The following MYH7 variants were observed in gnomAD, a reference collection of about 807,000 sequenced individuals.
The protein encoded by MYH7 is myosin heavy chain 7, also known as myosin-7.
A neutral mutation model predicts 225.4 loss-of-function variants in MYH7; 129 were observed. The ratio of observed to expected loss-of-function variants is 0.57; its 90% CI spans 0.50 to 0.66. MYH7 has a LOEUF of 0.66. Ranked by LOEUF, MYH7 falls within the 30% of genes least tolerant of loss-of-function variation. The pLI is 0.00. For synonymous variants in MYH7, 971 were observed against 1,007.6 expected, an observed-to-expected ratio of 0.96 and a Z score of 0.69; for missense variants, 1,649 against 2,517.0, an observed-to-expected ratio of 0.66 and a Z score of 7.38.
At chr14:23,420,319 G>A in intron 26 of MYH7, 85 bp from the exon 27 acceptor site, 5 of 1,551,620 alleles carry the variant, frequency 3.2e-6, no homozygotes, top group Non-Finnish European at 4.3e-6. Flanking sequence ...CGGCTTCTCT[G>A]GAACAGCAAG....
Position 23,417,619 on chromosome 14 carries a change from A to T in MYH7, c.4237T>A (p.Ser1413Thr), listed in dbSNP as rs1383499462. 2 of 1,612,840 alleles carry T rather than the reference A, an allele frequency of 1.2e-6. No homozygotes were observed. The highest frequency in any genetic ancestry group is 1.7e-6 in the Non-Finnish European group (2 of 1,180,056). The change falls in exon 31 of 40, where the codon TCG becomes ACG. Residue 1413 changes from serine (S) to threonine (T), a missense_variant. By Grantham distance (58) the Ser-to-Thr change is moderately conservative. This residue lies in a region of MYH7 where 687 missense variants were observed against 913.8 expected (regional missense o/e 0.75). Coordinates refer to ENST00000355349, the MANE Select transcript of MYH7 (RefSeq NM_000257.4). ...AGCCGGTGCTTGGTCTTCTCCAGCGAGGAGCACTTGGCATTAACAGCCTCC... is the reference window on the plus strand; with the variant it reads ...AGCCGGTGCTTGGTCTTCTCCAGCGTGGAGCACTTGGCATTAACAGCCTCC... The part of the protein sequence containing the change: ...AVEAVNAKCS[S>T]LEKTKHRLQN...
chr14:23,416,639 T>C (rs1892224238), intron 33 of MYH7, among the ~76,000 whole-genome samples: 2 of 151,964 alleles, frequency 1.3e-5, no homozygotes, highest in Admixed American at 6.6e-5. Context: ...TATGTGGAAA[T>C]GGGAAGCTCA....
rs1323525268 is a variant in MYH7, at chr14:23,425,314, G to C, written c.2391C>G (p.Ala797=). 2.8e-5 allele frequency: 46 copies of C among 1,614,058 alleles called. No individual in the cohort carries two copies. The highest frequency in any genetic ancestry group is 3.6e-5 in the Non-Finnish European group (43 of 1,180,042). The change falls in exon 21 of 40, where the codon GCC becomes GCG. Residue 797 remains alanine, a synonymous_variant. Transcript: ENST00000355349. The surrounding 1 kb of genome is among the most constrained non-coding windows in gnomAD (Gnocchi z 4.6). ...CCAGCAGCTTTTTGTACTCCATTCT[G>C]GCGAGCACACCTCGGGACTGGGCCT... The part of the protein sequence containing the change: ...RIQAQSRGVL[A]RMEYKKLLER...
intron 33 of MYH7, among the ~76,000 whole-genome samples, chr14:23,416,535 G>A (rs1380383978): frequency 6.6e-6 from 1 of 152,166 alleles, no homozygotes; most frequent in Non-Finnish European, 1.5e-5. Flanking sequence ...AGACAAGGAG[G>A]AAAATGAAGA....
intron 16 of MYH7, 62 bp downstream of exon 16, chr14:23,427,523 C>T: frequency 6.3e-7 from 1 of 1,594,632 alleles, no homozygotes; most frequent in Non-Finnish European, 8.6e-7. Flanking sequence ...AGCAATTGAC[C>T]TGGCTCAGAA....
At chr14:23,413,403 C>T (rs574720157) in intron 39 of MYH7, among the ~76,000 whole-genome samples, 11 of 152,124 alleles carry the variant, frequency 7.2e-5, no homozygotes, top group Admixed American at 1.3e-4. Flanking sequence ...ATGGTGAAAC[C>T]GCATCTCTAC....
intron 4 of MYH7, 88 bp from the exon 5 acceptor site, chr14:23,432,883 A>AAGGAG: frequency 6.4e-7 from 1 of 1,570,946 alleles, no homozygotes; most frequent in East Asian, 2.3e-5. Context: ...CCAGGAGAGA[A>AAGGAG]AGAAGAGAAA....
In MYH7 at chr14:23,433,302, G is replaced by A; in HGVS notation, c.202-75C>T. On this transcript the variant is annotated intron_variant, in intron 3 of 39. Transcript: ENST00000355349. This position sits in a 1 kb window ranked among gnomAD's most constrained non-coding sequence, Gnocchi z 4.1. ...TTCCTCAAGAGGGTTAGGAGTTGGT[G>A]AGTGACAGGGCAATAGTGCTCAAGA... is the stretch of plus-strand genomic sequence containing the variant. The A allele has an allele frequency of 2.5e-6, 4 of 1,603,162 alleles. No homozygotes were observed. Among genetic ancestry groups the A allele is most frequent in the Non-Finnish European group, 3.4e-6 (4 of 1,172,322 alleles).
rs376843222 is a variant in MYH7, at chr14:23,416,270, G to C, written c.4687C>G (p.Leu1563Val). 8.7e-6 allele frequency: 14 copies of C among 1,613,230 alleles called. No individual in the cohort carries two copies. The highest frequency in any genetic ancestry group is 2.2e-5 in the East Asian group (1 of 44,836). ...HEEGKILRAQ[L>V]EFNQIKAEIE... Reference sequence around the variant, plus strand: ...TCTGCCTTGATCTGGTTGAACTCCAGCTGGGCCCGGAGGATCTTGCCCTCC... The same window carrying C: ...TCTGCCTTGATCTGGTTGAACTCCACCTGGGCCCGGAGGATCTTGCCCTCC... Residue 1563 changes from leucine to valine, a missense_variant, in exon 34 of 40, where the codon CTG becomes GTG. By Grantham distance (32) the Leu-to-Val change is conservative (BLOSUM62 1). This residue lies in a region of MYH7 where 687 missense variants were observed against 913.8 expected (regional missense o/e 0.75). Coordinates refer to ENST00000355349, the MANE Select transcript of MYH7 (RefSeq NM_000257.4).
At chr14:23,429,987 G>A in intron 11 of MYH7, 74 bp from the exon 12 acceptor site, 2 of 1,577,614 alleles carry the variant, frequency 1.3e-6, no homozygotes, top group Non-Finnish European at 1.7e-6. Context: ...TTGTAAGTTG[G>A]AGAGAAAACT....
In MYH7 at chr14:23,429,307, G is replaced by A. The variant is rs143293426; in HGVS notation, c.1179C>T (p.Ala393=). 4.2e-5 allele frequency: 67 copies of A among 1,614,196 alleles called. No homozygotes were observed. Among genetic ancestry groups the A allele is most frequent in the African/African-American group, 2.9e-4 (22 of 75,054 alleles). Residue 393 remains alanine, a synonymous_variant, in exon 13 of 40, where the codon GCC becomes GCT. Coordinates refer to ENST00000355349, the MANE Select transcript of MYH7 (RefSeq NM_000257.4). ...GGTGGCACAGCCCCTTGAGCAGGTC[G>A]GCTGAGTTCAGCCCCATGAGGTAGG... ...KSAYLMGLNS[A]DLLKGLCHPR...
Position 23,433,787 on chromosome 14 carries a change from C to A in MYH7, c.-8-47G>T. 1 of 1,586,432 alleles carries A rather than the reference C, an allele frequency of 6.3e-7. No homozygotes were observed. Among genetic ancestry groups the A allele is most frequent in the South Asian group, 1.1e-5 (1 of 90,046 alleles). ...TGCCCTCCCATCTGCCCATTCTTCC[C>A]TTCCCTCCCTGGGCTCTCCCCTTCA... On this transcript the variant is annotated intron_variant, in intron 2 of 39. Coordinates refer to ENST00000355349, the MANE Select transcript of MYH7 (RefSeq NM_000257.4). This position sits in a 1 kb window ranked among gnomAD's most constrained non-coding sequence, Gnocchi z 4.1.
rs1595078072 is a variant in MYH7, at chr14:23,419,887, C to T, written c.3684G>A (p.Leu1228=). Residue 1228 remains leucine (L), a synonymous_variant, in exon 27 of 40, where the codon CTG becomes CTA. Transcript: ENST00000355349. ...EKEKSEFKLE[L]DDVTSNMEQI... is the part of the protein sequence containing the mutation. ...GCTCCATGTTGGAGGTGACGTCATC[C>T]AGCTCCAGCTTGAACTCGCTCTTCT... 3 of 1,613,692 alleles carry T rather than the reference C, an allele frequency of 1.9e-6. No homozygotes were observed. The highest frequency in any genetic ancestry group is 1.7e-4 in the Middle Eastern group (1 of 6,054).
At position 23,425,032 on chromosome 14, in the gene MYH7, G is replaced by A. The variant is rs767171610; in HGVS notation, c.2424-8C>T. 1 of 1,614,148 alleles carries A rather than the reference G, an allele frequency of 6.2e-7. No homozygotes were observed. Among genetic ancestry groups the A allele is most frequent in the East Asian group, 2.2e-5 (1 of 44,886 alleles). The stretch of plus-strand genomic sequence containing the variant: ...ATTACCAGCAGGGAGTCTCTGCAGG[G>A]GCCCATTGAAAGGAGTGCTGAGCCT... On this transcript the variant is annotated splice_region_variant and splice_polypyrimidine_tract_variant and intron_variant, in intron 21 of 39. Transcript: ENST00000355349. This position sits in a 1 kb window ranked among gnomAD's most constrained non-coding sequence, Gnocchi z 4.6.
Position 23,425,443 on chromosome 14 carries a change from A to G in MYH7, c.2287-25T>C. The G allele has an allele frequency of 4.3e-6, 7 of 1,614,082 alleles. 1 individual carries two copies. Among genetic ancestry groups the G allele is most frequent in the Non-Finnish European group, 5.9e-6 (7 of 1,180,024 alleles). On this transcript the variant is annotated intron_variant, in intron 20 of 39. Coordinates refer to ENST00000355349, the MANE Select transcript of MYH7 (RefSeq NM_000257.4). The surrounding 1 kb of genome is among the most constrained non-coding windows in gnomAD (Gnocchi z 4.6). Reference sequence around the variant, plus strand: ...CCTGCAGGCAAGGTGTGTGTTGGCCATGACTAGGGAGGGGTACGAGGGAAA... The same window carrying G: ...CCTGCAGGCAAGGTGTGTGTTGGCCGTGACTAGGGAGGGGTACGAGGGAAA...
At chr14:23,432,330 G>A in intron 6 of MYH7, 149 bp downstream of exon 6, 1 of 964,266 alleles carries the variant, frequency 1.0e-6, no homozygotes, top group Non-Finnish European at 1.7e-6. Context: ...AAAGAGAGGG[G>A]TCAGGGTAAT....
In MYH7 at chr14:23,425,476, T is replaced by C. The variant is rs1892658083; in HGVS notation, c.2287-58A>G. The stretch of plus-strand genomic sequence containing the variant: ...GGAGGGGTACGAGGGAAAGAGATGG[T>C]GGGGATTACCTTAGGAAGGGTAACA... On this transcript the variant is annotated intron_variant, in intron 20 of 39. Transcript: ENST00000355349. This position sits in a 1 kb window ranked among gnomAD's most constrained non-coding sequence, Gnocchi z 4.6. 2 of 1,612,872 alleles carry C rather than the reference T, an allele frequency of 1.2e-6. No homozygotes were observed. Among genetic ancestry groups the C allele is most frequent in the South Asian group, 1.1e-5 (1 of 91,032 alleles).
At chr14:23,416,358 C>T (rs747125455) in intron 33 of MYH7, 46 bp from the exon 34 acceptor site, 38 of 1,595,882 alleles carry the variant, frequency 2.4e-5, no homozygotes, top group Admixed American at 5.1e-5. Flanking sequence ...AGTCAGGGCA[C>T]AGGGCAGGGT....
At chr14:23,424,633 G>T in intron 22 of MYH7, 136 bp downstream of exon 22, 2 of 1,435,844 alleles carry the variant, frequency 1.4e-6, no homozygotes, top group Admixed American at 2.0e-5. Context: ...CCTCTTTGGA[G>T]GTCTTTAGAA....
Sources: allele counts gnomAD v4.1 joint callset (sites outside exome capture counted in the v4.1 genomes callset), GRCh38; gene constraint gnomAD v4.1.1; regional missense constraint gnomAD v4.1.1; non-coding constraint Gnocchi (gnomAD v3.1); transcripts MANE v1.5; gene names NCBI Gene and HGNC (gene_info 2026-07-23, HGNC 2026-07-21).